FST: variants seen among roughly 807,000 people sequenced by gnomAD.
FST encodes the protein follistatin.
FST carries 6 observed loss-of-function variants against 38.4 expected under a neutral mutation model. The ratio of observed to expected loss-of-function variants is 0.16; its 90% CI spans 0.09 to 0.31. The LOEUF (loss-of-function observed/expected upper bound fraction) is 0.31, where lower values mean the gene tolerates loss of function less well. Ranked by LOEUF, FST falls within the 10% of genes least tolerant of loss-of-function variation. The pLI, the probability that FST is intolerant of heterozygous loss-of-function variation, is 1.00. For synonymous variants in FST, 157 were observed against 169.8 expected (o/e 0.92, Z 0.59); for missense variants, 301 against 432.3 (o/e 0.70, Z 2.69).
At chr5:53,484,724 G>C (rs1747443387) in intron 4 of FST, among the ~76,000 whole-genome samples, 1 of 152,080 alleles carries the variant, frequency 6.6e-6, no homozygotes, top group African/African-American at 2.4e-5. Flanking sequence ...GTAAAATCCT[G>C]TTCTTAAAAA....
At position 53,485,095 on chromosome 5, in the gene FST, T is replaced by A; in HGVS notation, c.820T>A (p.Cys274Ser). 6.2e-7 allele frequency: 1 copy of A among 1,611,674 alleles called. No individual in the cohort carries two copies. Among genetic ancestry groups the A allele is most frequent in the Non-Finnish European group, 8.5e-7 (1 of 1,177,720 alleles). ...CCGGTGTTCCCTCTGTGATGAGCTG[T>A]GCCCTGACAGTAAGTCGGATGAGCC... ...RGRCSLCDELCPDSKSDEPVC... is the reference protein window; with the variant it reads ...RGRCSLCDELSPDSKSDEPVC... The change falls in exon 5 of 6, where the codon TGC becomes AGC. Residue 274 changes from cysteine to serine, a missense_variant. By Grantham distance (112) the Cys-to-Ser change is moderately radical (BLOSUM62 -1). Transcript: ENST00000256759.
Position 53,480,886 on chromosome 5 carries a change from T to A in FST, c.85+10T>A. On this transcript the variant is annotated intron_variant, in intron 1 of 5. Transcript: ENST00000256759. ...GACCGCAGTGCCCAGGGTAAGCGAG[T>A]GGGGATGCGCTGGGGAGGCTTGGCT... 1 of 1,480,166 alleles carries A rather than the reference T, an allele frequency of 6.8e-7. No individual in the cohort carries two copies. Among genetic ancestry groups the A allele is most frequent in the Non-Finnish European group, 9.1e-7 (1 of 1,093,212 alleles). 91.7% of individuals were successfully genotyped at this position (1,480,166 alleles called of 1,614,324 possible).
Position 53,486,633 on chromosome 5 carries a change from G to A in FST, c.*600G>A, listed in dbSNP as rs1367224546. The stretch of plus-strand genomic sequence containing the variant: ...TACAAGGAACCTTGACTGACCAAAA[G>A]GCATTATAACTCTGACTCAAATACA... On this transcript the variant is annotated 3_prime_UTR_variant, in exon 6 of 6. Transcript: ENST00000256759. The A allele has an allele frequency of 6.6e-6, 1 of 152,200 alleles. No homozygotes were observed. Among genetic ancestry groups the A allele is most frequent in the Non-Finnish European group, 1.5e-5 (1 of 68,052 alleles). 9.4% of individuals were successfully genotyped at this position (152,200 alleles called of 1,614,324 possible).
chr5:53,485,744 T>G lies in FST; in HGVS notation c.953-207T>G. Reference sequence around the variant, plus strand: ...TTCAGAACTTTCTGCAGTTTTTGACTTCATAGATTATGCTTTAAAAAAATT... The same window carrying G: ...TTCAGAACTTTCTGCAGTTTTTGACGTCATAGATTATGCTTTAAAAAAATT... On this transcript the variant is annotated intron_variant, in intron 5 of 5. Transcript: ENST00000256759. 3 of 1,603,980 alleles carry G rather than the reference T, an allele frequency of 1.9e-6. No homozygotes were observed. In the East Asian group the frequency reaches 6.7e-5, roughly 36 times the overall value.
At chr5:53,482,690 C>T in intron 1 of FST, 190 bp from the exon 2 acceptor site, 2 of 532,116 alleles carry the variant, frequency 3.8e-6, no homozygotes, top group Non-Finnish European at 3.4e-6. Flanking sequence ...CCTCCACTGC[C>T]TTCTTTTTCC....
Position 53,483,858 on chromosome 5 carries a change from A to G in FST, c.496+136A>G, listed in dbSNP as rs558880556. The G allele has an allele frequency of 1.8e-5, 13 of 710,024 alleles. No individual in the cohort carries two copies. The highest frequency in any genetic ancestry group is 7.6e-5 in the South Asian group (4 of 52,974). 44.0% of individuals were successfully genotyped at this position (710,024 alleles called of 1,614,324 possible). A position where few individuals can be genotyped will look rare whatever the true frequency, so the allele number is the denominator to read the frequency against. ...CTGATAATAGTAATACTGAAACCAA[A>G]TAAAGGAGTCCTTTTCTAACCTCTA... On this transcript the variant is annotated intron_variant, in intron 3 of 5. Transcript: ENST00000256759. The surrounding 1 kb of genome is among the most constrained non-coding windows in gnomAD (Gnocchi z 4.1).
chr5:53,486,064 C>G lies in FST; in HGVS notation c.*31C>G. 3.2e-6 allele frequency: 2 copies of G among 631,070 alleles called. No individual in the cohort carries two copies. Among genetic ancestry groups the G allele is most frequent in the East Asian group, 3.2e-5 (1 of 31,216 alleles). The allele number at this position is 631,070 out of a possible 1,614,324, so 39.1% of individuals were successfully genotyped here. Reference sequence around the variant, plus strand: ...CTATAAGTGTTCAGTGTTGACATAGCCTTTGTGCAAAAAAAAAAAAAAAAA... The same window carrying G: ...CTATAAGTGTTCAGTGTTGACATAGGCTTTGTGCAAAAAAAAAAAAAAAAA... On this transcript the variant is annotated 3_prime_UTR_variant, in exon 6 of 6. Coordinates refer to ENST00000256759, the MANE Select transcript of FST (RefSeq NM_013409.3).
intron 1 of FST, among the ~76,000 whole-genome samples, chr5:53,481,156 A>G (rs1747178019): frequency 6.6e-6 from 1 of 151,782 alleles, no homozygotes. Context: ...ATAACTTTAG[A>G]TGTGATCTCC....
In FST at chr5:53,483,996, T is replaced by G; in HGVS notation, c.497-73T>G. Reference sequence around the variant, plus strand: ...TGGATGCTTCAGTGTCATGATTTCCTTGGTAACTTCAAGTGCTCACTCCCT... The same window carrying G: ...TGGATGCTTCAGTGTCATGATTTCCGTGGTAACTTCAAGTGCTCACTCCCT... On this transcript the variant is annotated intron_variant, in intron 3 of 5. Coordinates refer to ENST00000256759, the MANE Select transcript of FST (RefSeq NM_013409.3). This position sits in a 1 kb window ranked among gnomAD's most constrained non-coding sequence, Gnocchi z 4.1. 7.8e-7 allele frequency: 1 copy of G among 1,290,044 alleles called. No homozygotes were observed. The highest frequency in any genetic ancestry group is 1.1e-6 in the Non-Finnish European group (1 of 901,298). The allele number at this position is 1,290,044 out of a possible 1,614,324, so 79.9% of individuals were successfully genotyped here. A position where few individuals can be genotyped will look rare whatever the true frequency, so the allele number is the denominator to read the frequency against.
At chr5:53,481,086 G>A (rs1225664284) in intron 1 of FST, among the ~76,000 whole-genome samples, 1 of 152,034 alleles carries the variant, frequency 6.6e-6, no homozygotes, top group African/African-American at 2.4e-5. Flanking sequence ...TCTTGAAAAA[G>A]GAAAGGGAGC....
chr5:53,485,546 G>GTTTT, intron 5 of FST: 9 of 634,784 alleles, frequency 1.4e-5, no homozygotes, highest in South Asian at 3.9e-5. Context: ...TGCTTCAAAA[G>GTTTT]TTTTTTTTTT....
At chr5:53,481,222 C>T (rs1194516154) in intron 1 of FST, among the ~76,000 whole-genome samples, 2 of 150,784 alleles carry the variant, frequency 1.3e-5, no homozygotes, top group African/African-American at 4.9e-5. Context: ...AGATTTCAGT[C>T]GACCCATTTG....
chr5:53,485,649 A>G, intron 5 of FST: 2 of 1,318,672 alleles, frequency 1.5e-6, no homozygotes, highest in Non-Finnish European at 2.2e-6. Context: ...CAAAGCAGTT[A>G]TACCTAGAAC....
chr5:53,484,352 T>G (rs1017915868), intron 4 of FST, 59 bp downstream of exon 4: 4 of 1,550,698 alleles, frequency 2.6e-6, no homozygotes, highest in African/African-American at 1.4e-5. Context: ...ATTATTAAAC[T>G]GTGGGGTTAA....
At position 53,484,234 on chromosome 5, in the gene FST, G is replaced by A; in HGVS notation, c.662G>A (p.Arg221Lys). 6.2e-7 allele frequency: 1 copy of A among 1,612,342 alleles called. No individual in the cohort carries two copies. The highest frequency in any genetic ancestry group is 8.5e-7 in the Non-Finnish European group (1 of 1,178,264). ...GVTYSSACHLRKATCLLGRSI... is the reference protein window; with the variant it reads ...GVTYSSACHLKKATCLLGRSI... ...ACCTACTCCAGTGCCTGCCACCTGA[G>A]AAAGGCTACCTGCCTGCTGGGCAGA... Residue 221 changes from arginine to lysine, a missense_variant, in exon 4 of 6, where the codon AGA (arginine) becomes AAA (lysine). By Grantham distance (26) the Arg-to-Lys change is conservative (BLOSUM62 2). Transcript: ENST00000256759.
In FST at chr5:53,486,175, A is replaced by G; in HGVS notation, c.*142A>G. On this transcript the variant is annotated 3_prime_UTR_variant, in exon 6 of 6. Coordinates refer to ENST00000256759, the MANE Select transcript of FST (RefSeq NM_013409.3). ...TATTTGGGGGGAAAACTATACATTA[A>G]AGGACCTTTGTCCTAAAGCTCTCTC... The G allele has an allele frequency of 1.9e-6, 1 of 524,224 alleles. No homozygotes were observed. Among genetic ancestry groups the G allele is most frequent in the Non-Finnish European group, 3.3e-6 (1 of 304,722 alleles). 32.5% of individuals were successfully genotyped at this position (524,224 alleles called of 1,614,324 possible). A position where few individuals can be genotyped will look rare whatever the true frequency, so the allele number is the denominator to read the frequency against.
Position 53,485,078 on chromosome 5 carries a change from C to G in FST, c.803C>G (p.Ser268Cys). The change falls in exon 5 of 6, where the codon TCC becomes TGC. Residue 268 changes from serine to cysteine, a missense_variant. Coordinates refer to ENST00000256759, the MANE Select transcript of FST (RefSeq NM_013409.3). ...TTCAAGGTTGGGAGAGGCCGGTGTT[C>G]CCTCTGTGATGAGCTGTGCCCTGAC... ...WDFKVGRGRCSLCDELCPDSK... is the reference protein window; with the variant it reads ...WDFKVGRGRCCLCDELCPDSK... 1 of 1,611,814 alleles carries G rather than the reference C, an allele frequency of 6.2e-7. No homozygotes were observed. Among genetic ancestry groups the G allele is most frequent in the South Asian group, 1.1e-5 (1 of 91,044 alleles).
chr5:53,482,458 C>A (rs1333018395), intron 1 of FST, among the ~76,000 whole-genome samples: 1 of 152,070 alleles, frequency 6.6e-6, no homozygotes, highest in Non-Finnish European at 1.5e-5. Flanking sequence ...AAACATCCGT[C>A]GCATCCTGTT....
chr5:53,481,994 T>G (rs1747245034), intron 1 of FST, among the ~76,000 whole-genome samples: 2 of 152,248 alleles, frequency 1.3e-5, no homozygotes, highest in Non-Finnish European at 2.9e-5. Flanking sequence ...GTTGCCCGCC[T>G]TTAGAGGAGA....
Sources: allele counts gnomAD v4.1 joint callset (sites outside exome capture counted in the v4.1 genomes callset), GRCh38; gene constraint gnomAD v4.1.1; non-coding constraint Gnocchi (gnomAD v3.1); transcripts MANE v1.5; gene names NCBI Gene and HGNC (gene_info 2026-07-23, HGNC 2026-07-21).